Variants in TCF12 observed in about 807,000 individuals in gnomAD.
TCF12 encodes DNA-binding protein HTF4.
Under a neutral mutation model 86.0 loss-of-function variants are expected in TCF12, and 45 were observed. The ratio of observed to expected loss-of-function variants is 0.52; its 90% CI spans 0.41 to 0.67. TCF12 has a LOEUF of 0.67. Among genes scored for constraint, TCF12 ranks in the 30% least tolerant of loss-of-function variants. The probability of loss-of-function intolerance (pLI) is 0.00; values close to 1 mark genes in which losing one functional copy is unlikely to be tolerated. For synonymous variants in TCF12, 330 were observed against 299.6 expected, an observed-to-expected ratio of 1.10 and a Z score of -1.05; for missense variants, 881 against 859.9, an observed-to-expected ratio of 1.02 and a Z score of -0.31.
At chr15:57,240,619 C>T (rs8031933) in intron 12 of TCF12, among the ~76,000 whole-genome samples, 2,154 of 152,204 alleles carry the variant, frequency 0.014, 52 homozygotes, top group African/African-American at 0.044. Flanking sequence ...CAATGGCTCA[C>T]GCCTGTAATC....
chr15:57,204,760 ATT>A (rs10712467), intron 8 of TCF12, among the ~76,000 whole-genome samples: 1 of 149,464 alleles, frequency 6.7e-6, no homozygotes, highest in Non-Finnish European at 1.5e-5. Flanking sequence ...TAAACTGAAG[ATT>A]TTTTTTTTTA....
chr15:57,081,946 G>A (rs2048342713), intron 4 of TCF12, among the ~76,000 whole-genome samples: 1 of 152,130 alleles, frequency 6.6e-6, no homozygotes, highest in East Asian at 1.9e-4. Context: ...TATATTCCTG[G>A]AAGGAACCAC....
intron 14 of TCF12, chr15:57,252,144 C>A (rs1325022548): frequency 1.8e-5 from 6 of 328,954 alleles, no homozygotes; most frequent in Non-Finnish European, 1.7e-5. Flanking sequence ...GAGAAACATT[C>A]TTTTTCTGTG....
intron 4 of TCF12, among the ~76,000 whole-genome samples, chr15:57,075,779 T>C (rs1244361540): frequency 2.0e-5 from 1 of 49,760 alleles, no homozygotes; most frequent in Non-Finnish European, 3.8e-5. Flanking sequence ...TCTTTCTTTC[T>C]TTCTTTCTTT....
intron 3 of TCF12, among the ~76,000 whole-genome samples, chr15:56,998,457 C>CA (rs71113049): frequency 0.37 from 40,919 of 110,624 alleles, 7,669 homozygotes; most frequent in East Asian, 0.51. Flanking sequence ...AACTCTGTCT[C>CA]AAAAAAAAAA....
At chr15:57,070,391 A>G (rs557433881) in intron 4 of TCF12, among the ~76,000 whole-genome samples, 1 of 152,338 alleles carries the variant, frequency 6.6e-6, no homozygotes, top group South Asian at 2.1e-4. Flanking sequence ...AAATGAAAAT[A>G]TGTGGGTACA....
At chr15:57,085,584 A>C (rs1287217263) in intron 4 of TCF12, among the ~76,000 whole-genome samples, 1 of 152,214 alleles carries the variant, frequency 6.6e-6, no homozygotes, top group Non-Finnish European at 1.5e-5. Flanking sequence ...GTTGTGTTTA[A>C]CTGAGAGAGA....
chr15:57,087,097 C>T (rs1312150784), intron 4 of TCF12, among the ~76,000 whole-genome samples: 38 of 150,256 alleles, frequency 2.5e-4, no homozygotes, highest in Admixed American at 2.4e-3. Flanking sequence ...CTCTGTCTCC[C>T]TCTCTCTCCC....
intron 3 of TCF12, among the ~76,000 whole-genome samples, chr15:56,929,774 A>G (rs1288101488): frequency 4.6e-5 from 7 of 152,258 alleles, no homozygotes; most frequent in African/African-American, 1.7e-4. Context: ...AACCACTACT[A>G]CCATAACTTA....
At chr15:56,926,681 C>T (rs1327391367) in intron 3 of TCF12, among the ~76,000 whole-genome samples, 2 of 152,184 alleles carry the variant, frequency 1.3e-5, no homozygotes, top group Non-Finnish European at 2.9e-5. Context: ...TGGGGGAGCT[C>T]ATATTTACAT....
intron 8 of TCF12, among the ~76,000 whole-genome samples, chr15:57,209,797 C>G (rs2058026008): frequency 2.0e-5 from 3 of 152,194 alleles, no homozygotes; most frequent in Admixed American, 2.0e-4. Context: ...ACACCTGCCA[C>G]CTTTCAGACT....
At chr15:57,005,549 A>T (rs114296221) in intron 3 of TCF12, among the ~76,000 whole-genome samples, 1,665 of 152,262 alleles carry the variant, frequency 0.011, 32 homozygotes, top group African/African-American at 0.037. Flanking sequence ...ATAATTTTTT[A>T]AAAATGTATT....
At chr15:57,213,390 G>A (rs1006063435) in intron 8 of TCF12, among the ~76,000 whole-genome samples, 6 of 152,286 alleles carry the variant, frequency 3.9e-5, no homozygotes, top group African/African-American at 1.4e-4. Flanking sequence ...AAATGTGAGG[G>A]AGGATGTTTT....
chr15:57,064,818 G>C (rs1422539166), intron 4 of TCF12, among the ~76,000 whole-genome samples: 1 of 127,870 alleles, frequency 7.8e-6, no homozygotes, highest in Admixed American at 8.6e-5. Flanking sequence ...AAAAAAGAGA[G>C]AGAGAGAAAG....
At chr15:57,155,411 A>G (rs1052680227) in intron 5 of TCF12, among the ~76,000 whole-genome samples, 2 of 152,216 alleles carry the variant, frequency 1.3e-5, no homozygotes, top group African/African-American at 2.4e-5. Flanking sequence ...TCAAACTCAA[A>G]CATAGGATGG....
At chr15:57,141,416 C>G (rs1360669283) in intron 5 of TCF12, among the ~76,000 whole-genome samples, 1 of 152,204 alleles carries the variant, frequency 6.6e-6, no homozygotes, top group African/African-American at 2.4e-5. Context: ...GTGTCACGAT[C>G]TCAGCTCACT....
chr15:57,105,668 T>C (rs1201169371), intron 5 of TCF12, among the ~76,000 whole-genome samples: 1 of 152,194 alleles, frequency 6.6e-6, no homozygotes, highest in Non-Finnish European at 1.5e-5. Context: ...TGCCTCAGCC[T>C]TCCAAAGTGC....
chr15:57,247,070 A>C, intron 13 of TCF12: 1 of 564,484 alleles, frequency 1.8e-6, no homozygotes, highest in South Asian at 1.5e-5. Context: ...GCTGTTGTTC[A>C]CTATAATTTC....
chr15:57,010,853 A>G (rs1475911936), intron 3 of TCF12, among the ~76,000 whole-genome samples: 4 of 152,190 alleles, frequency 2.6e-5, no homozygotes, highest in African/African-American at 9.7e-5. Context: ...GGTGTTGTAT[A>G]ACTTAAAATA....
Sources: gnomAD v4.1 joint callset for allele counts (sites outside exome capture counted in the v4.1 genomes callset) on GRCh38, gnomAD v4.1.1 for gene constraint, MANE v1.5 for transcripts, NCBI Gene and HGNC (gene_info 2026-07-23, HGNC 2026-07-21) for gene names.